AGBL1: variants seen among roughly 807,000 people sequenced by gnomAD.
AGBL1 encodes AGBL carboxypeptidase 1.
A neutral mutation model predicts 118.9 loss-of-function variants in AGBL1; 130 were observed. The observed-to-expected ratio is 1.09, with a 90% CI of 0.95 to 1.26. The LOEUF (loss-of-function observed/expected upper bound fraction) is 1.26. Among genes scored for constraint, AGBL1 ranks in the 50% most tolerant of loss-of-function variants. The pLI is 0.00. For synonymous variants in AGBL1, 555 were observed against 478.9 expected (o/e 1.16, Z -2.08); for missense variants, 1,584 against 1,298.1 (o/e 1.22, Z -3.38).
At chr15:86,438,836 A>G (rs1400593298) in intron 18 of AGBL1, among the ~76,000 whole-genome samples, 1 of 151,612 alleles carries the variant, frequency 6.6e-6, no homozygotes, top group East Asian at 1.9e-4. Context: ...TAATTTTTAT[A>G]TTTTTAGTAG....
intron 18 of AGBL1, among the ~76,000 whole-genome samples, chr15:86,482,001 C>T (rs1567017459): frequency 6.6e-6 from 1 of 152,082 alleles, no homozygotes; most frequent in Admixed American, 6.6e-5. Flanking sequence ...ATAGATGCTG[C>T]CAGAGATAAG....
intron 1 of AGBL1, among the ~76,000 whole-genome samples, chr15:86,135,269 G>A (rs2076873995): frequency 6.6e-6 from 1 of 152,216 alleles, no homozygotes; most frequent in Non-Finnish European, 1.5e-5. Context: ...CTCATACCAT[G>A]AGCAGAAATA....
intron 22 of AGBL1, among the ~76,000 whole-genome samples, chr15:86,764,492 A>T (rs937937167): frequency 2.0e-5 from 3 of 152,068 alleles, no homozygotes; most frequent in African/African-American, 7.2e-5. Context: ...AAAGGATCTG[A>T]GACAAATATA....
chr15:86,119,716 G>A (rs1166143820), intron 1 of AGBL1, among the ~76,000 whole-genome samples: 1 of 151,510 alleles, frequency 6.6e-6, no homozygotes, highest in Admixed American at 6.6e-5. Flanking sequence ...TCTGTATGTG[G>A]AAACTAGTAG....
chr15:86,689,223 T>C lies in AGBL1; in HGVS notation c.3158+14787T>C, dbSNP rs2086117467. On this transcript the variant is annotated intron_variant, in intron 22 of 22. Transcript: ENST00000614907. ...TACAGATGGTTGCATAGCTGGCTCC[T>C]CTTTGACATTCAAGTCTCAGCTTAA... Among the ~76,000 whole-genome samples the C allele has an allele frequency of 1.3e-5, 2 of 152,154 alleles. 1 individual carries two copies. The highest frequency in any genetic ancestry group is 4.8e-5 in the African/African-American group (2 of 41,446).
chr15:86,679,428 T>A (rs1463116837), intron 22 of AGBL1, among the ~76,000 whole-genome samples: 1 of 152,114 alleles, frequency 6.6e-6, no homozygotes, highest in Non-Finnish European at 1.5e-5. Context: ...ATTTATATAT[T>A]TATTTGTAAC....
chr15:86,675,092 A>T (rs991795371), intron 22 of AGBL1, among the ~76,000 whole-genome samples: 9 of 152,176 alleles, frequency 5.9e-5, no homozygotes, highest in African/African-American at 2.2e-4. Flanking sequence ...AGTGGGCAAG[A>T]GGGGAAGAAA....
At chr15:86,849,816 A>T (rs964920968) in intron 22 of AGBL1, among the ~76,000 whole-genome samples, 1 of 152,190 alleles carries the variant, frequency 6.6e-6, no homozygotes, top group Non-Finnish European at 1.5e-5. Flanking sequence ...TCAGGACAGC[A>T]AGGTTCTCCT....
At chr15:86,178,040 A>G (rs939480185) in intron 5 of AGBL1, among the ~76,000 whole-genome samples, 1 of 152,220 alleles carries the variant, frequency 6.6e-6, no homozygotes, top group Non-Finnish European at 1.5e-5. Flanking sequence ...CAGGCTGGGC[A>G]TGGTGGTTCA....
At chr15:86,408,948 C>CA (rs760316439) in intron 18 of AGBL1, among the ~76,000 whole-genome samples, 36 of 151,508 alleles carry the variant, frequency 2.4e-4, no homozygotes, top group African/African-American at 8.2e-4. Flanking sequence ...TTCTCCTAGA[C>CA]AAAAAAACAA....
intron 23 of AGBL1, among the ~76,000 whole-genome samples, chr15:86,971,925 C>A (rs1471554907): frequency 6.6e-6 from 1 of 151,888 alleles, no homozygotes; most frequent in Non-Finnish European, 1.5e-5. Flanking sequence ...AGGGGCTCTT[C>A]CCACTTTGCT....
intron 23 of AGBL1, among the ~76,000 whole-genome samples, chr15:86,974,150 A>G (rs1330242931): frequency 2.4e-3 from 3 of 1,270 alleles, no homozygotes; most frequent in African/African-American, 0.012. Flanking sequence ...AAATATAAAC[A>G]TTTTAATATA....
chr15:86,245,927 A>G (rs1567152023), intron 6 of AGBL1, among the ~76,000 whole-genome samples: 2 of 151,662 alleles, frequency 1.3e-5, no homozygotes. Flanking sequence ...CTTTTGAGCT[A>G]GGGTCTCACT....
intron 22 of AGBL1, among the ~76,000 whole-genome samples, chr15:86,846,789 C>A (rs995744404): frequency 3.9e-5 from 6 of 152,220 alleles, no homozygotes; most frequent in African/African-American, 1.4e-4. Context: ...GCCTCGGCCT[C>A]CCAAAGTGCT....
At chr15:86,966,829 G>A (rs2081058934) in intron 23 of AGBL1, among the ~76,000 whole-genome samples, 1 of 152,002 alleles carries the variant, frequency 6.6e-6, no homozygotes, top group African/African-American at 2.4e-5. Flanking sequence ...ATAGTCCTTT[G>A]GGTATATACC....
chr15:86,471,037 C>T (rs1176051599), intron 18 of AGBL1, among the ~76,000 whole-genome samples: 1 of 152,028 alleles, frequency 6.6e-6, no homozygotes, highest in Non-Finnish European at 1.5e-5. Context: ...CCAAATTGCC[C>T]TTGTTAGGAC....
At chr15:86,712,675 G>A (rs1475129256) in intron 22 of AGBL1, among the ~76,000 whole-genome samples, 1 of 152,130 alleles carries the variant, frequency 6.6e-6, no homozygotes, top group Admixed American at 6.5e-5. Context: ...GTGTTCAGAG[G>A]GCTATTCTAT....
At chr15:86,837,742 T>G (rs1020347972) in intron 22 of AGBL1, among the ~76,000 whole-genome samples, 2 of 152,208 alleles carry the variant, frequency 1.3e-5, no homozygotes, top group Non-Finnish European at 2.9e-5. Flanking sequence ...AAATTAGAAG[T>G]GTATCCTCAA....
chr15:86,735,774 C>G (rs1000224281), intron 22 of AGBL1, among the ~76,000 whole-genome samples: 3 of 151,822 alleles, frequency 2.0e-5, no homozygotes, highest in Non-Finnish European at 4.4e-5. Flanking sequence ...CACAAGTGTG[C>G]TATATTTTAA....
Sources: allele counts gnomAD v4.1 joint callset (sites outside exome capture counted in the v4.1 genomes callset), GRCh38; gene constraint gnomAD v4.1.1; transcripts MANE v1.5; gene names NCBI Gene and HGNC (gene_info 2026-07-23, HGNC 2026-07-21).